LRP1B: variants seen among roughly 807,000 people sequenced by gnomAD.
LRP1B encodes LDL receptor related protein 1B.
A neutral mutation model predicts 556.6 loss-of-function variants in LRP1B; 217 were observed. The observed-to-expected ratio is 0.39, with a 90% confidence interval of 0.35 to 0.44. The LOEUF is 0.44. Ranked by LOEUF, LRP1B falls within the 20% of genes least tolerant of loss-of-function variation. The pLI, the probability that LRP1B is intolerant of heterozygous loss-of-function variation, is 1.00. For missense variants in LRP1B, 5,053 were observed against 5,620.8 expected (o/e 0.90, Z 3.23); for synonymous variants, 2,047 against 1,865.8 (o/e 1.10, Z -2.50).
At chr2:142,121,958 A>G (rs1707470441) in intron 1 of LRP1B, among the ~76,000 whole-genome samples, 1 of 152,184 alleles carries the variant, frequency 6.6e-6, no homozygotes, top group South Asian at 2.1e-4. Flanking sequence ...GCTTCTTGCT[A>G]TTAGTAACTC....
chr2:140,337,690 C>T (rs572268552), intron 77 of LRP1B, among the ~76,000 whole-genome samples: 70 of 151,674 alleles, frequency 4.6e-4, no homozygotes, highest in Non-Finnish European at 7.7e-4. Flanking sequence ...CTTATAATGC[C>T]CTTTGTCTGA....
intron 4 of LRP1B, among the ~76,000 whole-genome samples, chr2:141,250,275 A>G (rs1684212881): frequency 1.3e-5 from 2 of 152,168 alleles, no homozygotes; most frequent in Admixed American, 6.6e-5. Context: ...GCCCCTAGGT[A>G]GTCTCAGACT....
chr2:140,505,329 A>G (rs150147520), intron 53 of LRP1B, among the ~76,000 whole-genome samples: 2 of 152,070 alleles, frequency 1.3e-5, no homozygotes, highest in African/African-American at 4.8e-5. Flanking sequence ...CAGGCTCTCC[A>G]GCTCTGGAGT....
At chr2:140,387,063 T>G (rs1030324084) in intron 66 of LRP1B, among the ~76,000 whole-genome samples, 2 of 152,138 alleles carry the variant, frequency 1.3e-5, no homozygotes, top group African/African-American at 2.4e-5. Flanking sequence ...TAAATAACAC[T>G]AAAATGATAA....
At chr2:140,414,022 C>A (rs1367664126) in intron 66 of LRP1B, among the ~76,000 whole-genome samples, 2 of 152,108 alleles carry the variant, frequency 1.3e-5, no homozygotes, top group Non-Finnish European at 2.9e-5. Flanking sequence ...CTCAAGCAAT[C>A]CTCCCACCTC....
At chr2:141,793,643 T>C (rs1356936471) in intron 2 of LRP1B, among the ~76,000 whole-genome samples, 1 of 151,946 alleles carries the variant, frequency 6.6e-6, no homozygotes, top group Non-Finnish European at 1.5e-5. Flanking sequence ...CTCTTTCCAA[T>C]ATATAATTAC....
intron 49 of LRP1B, among the ~76,000 whole-genome samples, chr2:140,522,397 T>C (rs1202270396): frequency 6.6e-6 from 1 of 151,748 alleles, no homozygotes; most frequent in Non-Finnish European, 1.5e-5. Context: ...AGACACAACA[T>C]ACCAAAATCT....
chr2:140,252,679 A>T (rs769194289), intron 86 of LRP1B, among the ~76,000 whole-genome samples: 8 of 151,970 alleles, frequency 5.3e-5, no homozygotes, highest in Non-Finnish European at 8.8e-5. Context: ...AATAAATGCA[A>T]TTTTTTTCCG....
At chr2:140,683,691 C>A in intron 41 of LRP1B, 1 of 712,742 alleles carries the variant, frequency 1.4e-6, no homozygotes, top group Non-Finnish European at 2.6e-6. Flanking sequence ...TGCCTTCACT[C>A]CGGGCTGGAC....
intron 7 of LRP1B, among the ~76,000 whole-genome samples, chr2:141,186,622 A>T (rs1218697637): frequency 6.6e-6 from 1 of 152,076 alleles, no homozygotes; most frequent in Non-Finnish European, 1.5e-5. Context: ...CAAAGAACCT[A>T]TTCTGATAAA....
At chr2:141,559,611 A>C (rs974207825) in intron 2 of LRP1B, among the ~76,000 whole-genome samples, 1 of 151,652 alleles carries the variant, frequency 6.6e-6, no homozygotes, top group Non-Finnish European at 1.5e-5. Context: ...ATGGGTATGC[A>C]TTGGTGTGAT....
At chr2:141,810,878 G>A (rs960123449) in intron 1 of LRP1B, among the ~76,000 whole-genome samples, 2 of 151,916 alleles carry the variant, frequency 1.3e-5, no homozygotes, top group Admixed American at 1.3e-4. Flanking sequence ...TCCTGATACT[G>A]GGGCTTCACG....
rs891197323 is a variant in LRP1B, at chr2:141,666,437, T to A, written c.205+143842A>T. 1.1e-4 allele frequency among the ~76,000 whole-genome samples: 16 copies of A among 152,312 alleles called. 1 individual carries two copies. In the South Asian group the frequency reaches 3.1e-3, roughly 30 times the overall value. ...GTCTGGTTATGTTGCCAGGCTGGAC[T>A]CAAACAATTGAGTTCAAGGAATTCT... On this transcript the variant is annotated intron_variant, in intron 2 of 90. Transcript: ENST00000389484.
At chr2:141,732,057 T>C (rs118164915) in intron 2 of LRP1B, among the ~76,000 whole-genome samples, 1,897 of 152,268 alleles carry the variant, frequency 0.012, 112 homozygotes, top group Admixed American at 0.096. Flanking sequence ...CCATCCAATA[T>C]GGTATTTTTC....
intron 1 of LRP1B, among the ~76,000 whole-genome samples, chr2:142,083,567 A>T (rs1210942146): frequency 6.6e-6 from 1 of 152,214 alleles, no homozygotes; most frequent in Non-Finnish European, 1.5e-5. Flanking sequence ...TGCTTGATAG[A>T]ATATAATTTC....
chr2:141,417,345 G>T (rs1679934233), intron 3 of LRP1B, among the ~76,000 whole-genome samples: 1 of 152,076 alleles, frequency 6.6e-6, no homozygotes, highest in South Asian at 2.1e-4. Context: ...GTTTCTTCTG[G>T]CATGATTATT....
At chr2:140,650,456 C>G (rs921654540) in intron 41 of LRP1B, among the ~76,000 whole-genome samples, 7 of 151,910 alleles carry the variant, frequency 4.6e-5, no homozygotes, top group African/African-American at 1.7e-4. Flanking sequence ...TCAAGCGATT[C>G]TCCTGTCTCA....
At chr2:140,566,967 T>C (rs1681150648) in intron 43 of LRP1B, among the ~76,000 whole-genome samples, 1 of 152,044 alleles carries the variant, frequency 6.6e-6, no homozygotes, top group Non-Finnish European at 1.5e-5. Flanking sequence ...TCACCCCCGA[T>C]CCTGAGCTGA....
intron 17 of LRP1B, among the ~76,000 whole-genome samples, chr2:140,982,631 A>C (rs576889013): frequency 5.9e-5 from 9 of 152,280 alleles, no homozygotes; most frequent in Admixed American, 2.0e-4. Flanking sequence ...ATTAACAAAA[A>C]AAGAATTGTG....
Sources: allele counts gnomAD v4.1 joint callset (sites outside exome capture counted in the v4.1 genomes callset), GRCh38; gene constraint gnomAD v4.1.1; transcripts MANE v1.5; gene names NCBI Gene and HGNC (gene_info 2026-07-23, HGNC 2026-07-21).